The following MUC4 variants were observed in gnomAD, a reference collection of about 807,000 sequenced individuals.
MUC4 encodes mucin-4.
A neutral mutation model predicts 257.9 loss-of-function variants in MUC4; 202 were observed. That is an observed-to-expected ratio of 0.78 (90% CI 0.70 to 0.88). The LOEUF is 0.88. Ranked by LOEUF, MUC4 falls within the 40% of genes least tolerant of loss-of-function variation. The pLI, the probability that MUC4 is intolerant of heterozygous loss-of-function variation, is 0.00. For synonymous variants in MUC4, 2,351 were observed against 2,757.1 expected, an observed-to-expected ratio of 0.85 and a Z score of 4.62; for missense variants, 5,976 against 6,513.7, an observed-to-expected ratio of 0.92 and a Z score of 2.84.
rs1261601648 is a variant in MUC4 at position 195,765,426 on chromosome 3, T to G, written c.13642A>C (p.Arg4548=). Reference sequence around the variant, plus strand: ...TTGGGCCTTTCTTCCCGGTGTAGCCTGTAGAACTGCAGCCCTTGGAGGCCT... The same window carrying G: ...TTGGGCCTTTCTTCCCGGTGTAGCCGGTAGAACTGCAGCCCTTGGAGGCCT... ...NSGLQGLQFY[R]LHREERPNYR... The change falls in exon 9 of 25, where the codon AGG becomes CGG. Residue 4548 remains arginine (R), a synonymous_variant. Coordinates refer to ENST00000463781, the MANE Select transcript of MUC4 (RefSeq NM_018406.7). 1 of 1,613,030 alleles carries G rather than the reference T, an allele frequency of 6.2e-7. No homozygotes were observed. Among genetic ancestry groups the G allele is most frequent in the South Asian group, 1.1e-5 (1 of 91,042 alleles).
At position 195,761,137 on chromosome 3, in the gene MUC4, G is replaced by T; in HGVS notation, c.14615-20C>A. The T allele has an allele frequency of 6.2e-7, 1 of 1,601,180 alleles. No homozygotes were observed. Among genetic ancestry groups the T allele is most frequent in the South Asian group, 1.1e-5 (1 of 90,808 alleles). Reference sequence around the variant, plus strand: ...TCTGCCCTGTAACACACAGAGCGCGGTGGTACCAGGCATGGCACTCAGCCT... The same window carrying T: ...TCTGCCCTGTAACACACAGAGCGCGTTGGTACCAGGCATGGCACTCAGCCT... On this transcript the variant is annotated intron_variant, in intron 15 of 24. Coordinates refer to ENST00000463781, the MANE Select transcript of MUC4 (RefSeq NM_018406.7).
chr3:195,747,394 G>C lies in MUC4; in HGVS notation c.16035-14C>G, dbSNP rs539121029. ...AAGGACACACAGCTGGTGACCAAGA[G>C]AGACAGACAGGCGGTCAGAGGCGGG... On this transcript the variant is annotated splice_polypyrimidine_tract_variant and intron_variant, in intron 24 of 24. Coordinates refer to ENST00000463781, the MANE Select transcript of MUC4 (RefSeq NM_018406.7). The C allele has an allele frequency of 1.3e-5, 21 of 1,612,748 alleles. No individual in the cohort carries two copies. Among genetic ancestry groups the C allele is most frequent in the Non-Finnish European group, 1.8e-5 (21 of 1,179,092 alleles).
rs1717051650 is a variant in MUC4, at chr3:195,754,195, G to T, written c.15328+18C>A. ...CTGCTCCCAGAAGCGCCTGCTCCAG[G>T]CCCTGTTCCCGGCTCACCCGCACAG... On this transcript the variant is annotated intron_variant, in intron 19 of 24. Coordinates refer to ENST00000463781, the MANE Select transcript of MUC4 (RefSeq NM_018406.7). The T allele has an allele frequency of 6.2e-7, 1 of 1,603,694 alleles. No individual in the cohort carries two copies. The highest frequency in any genetic ancestry group is 1.7e-5 in the Admixed American group (1 of 58,960).
At position 195,770,277 on chromosome 3, in the gene MUC4, C is replaced by G; in HGVS notation, c.13337G>C (p.Arg4446Thr). 6.2e-7 allele frequency: 1 copy of G among 1,614,030 alleles called. No individual in the cohort carries two copies. Among genetic ancestry groups the G allele is most frequent in the Middle Eastern group, 1.6e-4 (1 of 6,062 alleles). The change falls in exon 6 of 25, where the codon AGG becomes ACG. Residue 4446 changes from arginine (R) to threonine (T), a missense_variant. This residue lies in a region of MUC4 where 996 missense variants were observed against 1,137.3 expected (regional missense o/e 0.88). Transcript: ENST00000463781. ...KMTNNGGYKA[R>T]WALKVTWVNA... ...GACCCACGTGACCTTTAGGGCCCAC[C>G]TGGCCTTGTAGCCCCCGTTGTTTGT...
Position 195,786,469 on chromosome 3 carries a change from G to A in MUC4, c.5111C>T (p.Ser1704Leu), listed in dbSNP as rs553030863. Residue 1704 changes from serine to leucine, a missense_variant, in exon 2 of 25, where the codon TCG becomes TTG. Around this residue, in one of 44 missense-constraint regions of MUC4, gnomAD observed 138 missense variants for 107.8 expected, o/e 1.28. Transcript: ENST00000463781. ...AGGGGTGGCCTGACCTGTGGATGCC[G>A]AGGAAACGTCGGTGACAGGAAGACG... ...TTRLPVTDVS[S>L]ASTGQATPLP... 47 of 1,527,516 alleles carry A rather than the reference G, an allele frequency of 3.1e-5. No individual in the cohort carries two copies. Among genetic ancestry groups the A allele is most frequent in the Middle Eastern group, 2.2e-4 (1 of 4,468 alleles). The allele number at this position is 1,527,516 out of a possible 1,614,324, so 94.6% of individuals were successfully genotyped here.
In MUC4 at chr3:195,747,363, A is replaced by T. The variant is rs773347415; in HGVS notation, c.16052T>A (p.Ile5351Asn). Residue 5351 changes from isoleucine to asparagine, a missense_variant, in exon 25 of 25, where the codon ATC becomes AAC. Physicochemically the swap from Ile to Asn is moderately radical, Grantham distance 149 (BLOSUM62 -3). Coordinates refer to ENST00000463781, the MANE Select transcript of MUC4 (RefSeq NM_018406.7). ...ACAGTGCTCGCCCCAGGCCGTGTAGATGGAGAAGGACACACAGCTGGTGAC... is the reference window on the plus strand; with the variant it reads ...ACAGTGCTCGCCCCAGGCCGTGTAGTTGGAGAAGGACACACAGCTGGTGAC... ...GPRCSCVSFS[I>N]YTAWGEHCEH... The T allele has an allele frequency of 1.2e-5, 20 of 1,613,828 alleles. No individual in the cohort carries two copies. Among genetic ancestry groups the T allele is most frequent in the Admixed American group, 1.7e-5 (1 of 60,002 alleles).
rs778159822 is a variant in MUC4, at chr3:195,782,515, G to A, written c.9065C>T (p.Ala3022Val). The A allele has an allele frequency of 1.9e-5, 26 of 1,384,582 alleles. 4 individuals are homozygous for A. The highest frequency in any genetic ancestry group is 2.6e-4 in the Middle Eastern group (1 of 3,788). The allele number at this position is 1,384,582 out of a possible 1,614,324, so 85.8% of individuals were successfully genotyped here. Residue 3022 changes from alanine (A) to valine (V), a missense_variant, in exon 2 of 25, where the codon GCC (alanine) becomes GTC (valine). Around this residue, in one of 44 missense-constraint regions of MUC4, gnomAD observed 68 missense variants for 50.2 expected, o/e 1.35. Transcript: ENST00000463781. Reference protein sequence around the residue: ...TDTSSISTGHATPLHVTSPSS... With the variant: ...TDTSSISTGHVTPLHVTSPSS... ...AGGGCTGGTGACATGAAGAGGGGTG[G>A]CGTGACCTGTGGATATTGAGGAAGT...
Position 195,774,165 on chromosome 3 carries a change from G to A in MUC4, c.13077+7C>T, listed in dbSNP as rs758486719. The A allele has an allele frequency of 6.2e-7, 1 of 1,601,750 alleles. No individual in the cohort carries two copies. The highest frequency in any genetic ancestry group is 8.5e-7 in the Non-Finnish European group (1 of 1,175,086). On this transcript the variant is annotated splice_region_variant and intron_variant, in intron 4 of 24. Transcript: ENST00000463781. ...TTCAGGCTGCGCGGGCCGCAGCCCG[G>A]ACTCACGTAGAGGGAATCACGGAGA...
In MUC4 at chr3:195,790,131, A is replaced by C. The variant is rs1312663000; in HGVS notation, c.1449T>G (p.His483Gln). 6.2e-7 allele frequency: 1 copy of C among 1,613,858 alleles called. No homozygotes were observed. Among genetic ancestry groups the C allele is most frequent in the African/African-American group, 1.3e-5 (1 of 74,898 alleles). Residue 483 changes from histidine to glutamine, a missense_variant, in exon 2 of 25, where the codon CAT becomes CAG. Physicochemically the swap from His to Gln is conservative, Grantham distance 24. Coordinates refer to ENST00000463781, the MANE Select transcript of MUC4 (RefSeq NM_018406.7). Reference protein sequence around the residue: ...PGVSQEIFTLHETTTWPSSFS... With the variant: ...PGVSQEIFTLQETTTWPSSFS... Reference sequence around the variant, plus strand: ...ATGAGGAAGGCCATGTTGTTGTTTCATGTAGAGTAAATATTTCTTGAGACA... The same window carrying C: ...ATGAGGAAGGCCATGTTGTTGTTTCCTGTAGAGTAAATATTTCTTGAGACA...
chr3:195,770,859 A>T (rs1252587938), intron 5 of MUC4: 4 of 458,040 alleles, frequency 8.7e-6, no homozygotes, highest in Non-Finnish European at 1.3e-5. Flanking sequence ...CTCTTGACTC[A>T]CTCTTGTTAG....
Position 195,753,015 on chromosome 3 carries a change from A to G in MUC4, c.15508+36T>C, listed in dbSNP as rs1230286810. ...GGGTGAGAGGGTGGGGCCCAGGAAG[A>G]GTGCGGGGGTGAGAGGGCGGGGTCT... On this transcript the variant is annotated intron_variant, in intron 20 of 24. Coordinates refer to ENST00000463781, the MANE Select transcript of MUC4 (RefSeq NM_018406.7). The G allele has an allele frequency of 4.5e-6, 7 of 1,567,220 alleles. No homozygotes were observed. The East Asian group carries it at 6.8e-5, about 15-fold the overall frequency.
Position 195,784,300 on chromosome 3 carries a change from G to C in MUC4, c.7280C>G (p.Thr2427Arg), listed in dbSNP as rs796382721. 1 of 1,424,292 alleles carries C rather than the reference G, an allele frequency of 7.0e-7. No homozygotes were observed. 88.2% of individuals were successfully genotyped at this position (1,424,292 alleles called of 1,614,324 possible). A position where few individuals can be genotyped will look rare whatever the true frequency, so the allele number is the denominator to read the frequency against. Reference sequence around the variant, plus strand: ...GACAGGAAGACGGGTGGTGTCACCTGTGGAAGCTGAGGAAAGGCCGGTGAC... The same window carrying C: ...GACAGGAAGACGGGTGGTGTCACCTCTGGAAGCTGAGGAAAGGCCGGTGAC... ...LPVTGLSSAS[T>R]GDTTRLPVTN... is the part of the protein sequence containing the mutation. Residue 2427 changes from threonine (T) to arginine (R), a missense_variant, in exon 2 of 25, where the codon ACA becomes AGA. By Grantham distance (71) the Thr-to-Arg change is moderately conservative. Around this residue, in one of 44 missense-constraint regions of MUC4, gnomAD observed 57 missense variants for 116.5 expected, o/e 0.49. Coordinates refer to ENST00000463781, the MANE Select transcript of MUC4 (RefSeq NM_018406.7).
chr3:195,760,896 T>A lies in MUC4; in HGVS notation c.14836A>T (p.Asn4946Tyr). ...TCGGGCCACTTACTGAGGGTGGCGT[T>A]CGCCTGCTCGTAGTTTTTACTGACT... ...REVSKNYEQANATLNQYPPSI... is the reference protein window; with the variant it reads ...REVSKNYEQAYATLNQYPPSI... The change falls in exon 16 of 25, where the codon AAC (asparagine) becomes TAC (tyrosine). Residue 4946 changes from asparagine (N) to tyrosine (Y), a missense_variant. Physicochemically the swap from Asn to Tyr is moderately radical, Grantham distance 143. Transcript: ENST00000463781. The A allele has an allele frequency of 6.2e-7, 1 of 1,614,104 alleles. No individual in the cohort carries two copies. The highest frequency in any genetic ancestry group is 8.5e-7 in the Non-Finnish European group (1 of 1,180,030).
At position 195,785,559 on chromosome 3, in the gene MUC4, G is replaced by T; in HGVS notation, c.6021C>A (p.Ser2007=). ...HATPLPVTDT[S]SVSTGQATPL... Reference sequence around the variant, plus strand: ...GGGTGGCCTGTCCTGTAGATACTGAGGAAGTGTCGGTGACCGGAAGAGGGG... The same window carrying T: ...GGGTGGCCTGTCCTGTAGATACTGATGAAGTGTCGGTGACCGGAAGAGGGG... Residue 2007 remains serine, a synonymous_variant, in exon 2 of 25, where the codon TCC becomes TCA. Transcript: ENST00000463781. 6.6e-7 allele frequency: 1 copy of T among 1,523,942 alleles called. No homozygotes were observed. Among genetic ancestry groups the T allele is most frequent in the Non-Finnish European group, 8.8e-7 (1 of 1,134,402 alleles). The allele number at this position is 1,523,942 out of a possible 1,614,324, so 94.4% of individuals were successfully genotyped here. A position where few individuals can be genotyped will look rare whatever the true frequency, so the allele number is the denominator to read the frequency against.
At chr3:195,796,613 C>A (rs1734612952) in intron 1 of MUC4, among the ~76,000 whole-genome samples, 1 of 151,842 alleles carries the variant, frequency 6.6e-6, no homozygotes. Context: ...ACGGCGTGAA[C>A]CTGGGAGGCA....
At position 195,786,412 on chromosome 3, in the gene MUC4, G is replaced by A. The variant is rs1449857596; in HGVS notation, c.5168C>T (p.Thr1723Ile). ...LPVTSLSSVS[T>I]GDTTPLPVTS... ...GACAGGAAGAGGCGTGGTGTCACCTGTGGATACTGAGGAAAGGCTGGTGAC... is the reference window on the plus strand; with the variant it reads ...GACAGGAAGAGGCGTGGTGTCACCTATGGATACTGAGGAAAGGCTGGTGAC... The change falls in exon 2 of 25, where the codon ACA becomes ATA. Residue 1723 changes from threonine to isoleucine, a missense_variant. Coordinates refer to ENST00000463781, the MANE Select transcript of MUC4 (RefSeq NM_018406.7). The A allele has an allele frequency of 1.1e-5, 17 of 1,532,730 alleles. 2 individuals carry two copies. Among genetic ancestry groups the A allele is most frequent in the East Asian group, 4.9e-5 (2 of 40,520 alleles). The allele number at this position is 1,532,730 out of a possible 1,614,324, so 94.9% of individuals were successfully genotyped here. A position where few individuals can be genotyped will look rare whatever the true frequency, so the allele number is the denominator to read the frequency against.
chr3:195,754,285 C>T lies in MUC4; in HGVS notation c.15256G>A (p.Val5086Ile). The change falls in exon 19 of 25, where the codon GTC becomes ATC. Residue 5086 changes from valine to isoleucine, a missense_variant. Val to Ile is a conservative substitution (Grantham distance 29). Around this residue, in one of 44 missense-constraint regions of MUC4, gnomAD observed 996 missense variants for 1,137.3 expected, o/e 0.88. Transcript: ENST00000463781. ...CAGCCCTTCCCAGGAACGCAGTGGACACTCGGGAAGCACGGCTCCTCACAG... is the reference window on the plus strand; with the variant it reads ...CAGCCCTTCCCAGGAACGCAGTGGATACTCGGGAAGCACGGCTCCTCACAG... The part of the protein sequence containing the change: ...DACEEPCFPS[V>I]HCVPGKGCEA... 1 of 1,614,004 alleles carries T rather than the reference C, an allele frequency of 6.2e-7. No individual in the cohort carries two copies. The highest frequency in any genetic ancestry group is 8.5e-7 in the Non-Finnish European group (1 of 1,180,014).
In MUC4 at chr3:195,789,904, G is replaced by A; in HGVS notation, c.1676C>T (p.Thr559Ile). 2 of 1,614,032 alleles carry A rather than the reference G, an allele frequency of 1.2e-6. No homozygotes were observed. The highest frequency in any genetic ancestry group is 8.5e-7 in the Non-Finnish European group (1 of 1,179,896). The change falls in exon 2 of 25, where the codon ACA becomes ATA. Residue 559 changes from threonine (T) to isoleucine (I), a missense_variant. This residue lies in a region of MUC4 where 1,583 missense variants were observed against 1,257.4 expected (regional missense o/e 1.26). Coordinates refer to ENST00000463781, the MANE Select transcript of MUC4 (RefSeq NM_018406.7). ...SSHSTTLPKT[T>I]GAGAQTQWTQ... is the part of the protein sequence containing the mutation. ...CCATTGTGTCTGGGCGCCTGCCCCT[G>A]TTGTTTTTGGGAGAGTTGTGCTGTG...
intron 1 of MUC4, among the ~76,000 whole-genome samples, chr3:195,801,463 G>A (rs1429209292): frequency 1.3e-5 from 2 of 151,714 alleles, no homozygotes; most frequent in Non-Finnish European, 2.9e-5. Context: ...CCTCCTGCCC[G>A]GATGGCTCAC....
Sources: allele counts gnomAD v4.1 joint callset (sites outside exome capture counted in the v4.1 genomes callset), GRCh38; gene constraint gnomAD v4.1.1; regional missense constraint gnomAD v4.1.1; transcripts MANE v1.5; gene names NCBI Gene and HGNC (gene_info 2026-07-23, HGNC 2026-07-21).